The following DEPTOR variants were observed in gnomAD, a reference collection of about 807,000 sequenced individuals.
DEPTOR encodes DEP domain containing MTOR interacting protein.
In DEPTOR, 41 loss-of-function variants were observed where a neutral mutation model predicts 41.6. That is an observed-to-expected ratio of 0.98 (90% CI 0.77 to 1.28). The LOEUF is 1.28. DEPTOR is among the 50% of genes most tolerant of loss of function. The pLI is 0.00. For synonymous variants in DEPTOR, 195 were observed against 192.3 expected, an observed-to-expected ratio of 1.01 and a Z score of -0.12; for missense variants, 514 against 527.9, an observed-to-expected ratio of 0.97 and a Z score of 0.26.
At chr8:119,925,428 G>A (rs1827951192) in intron 1 of DEPTOR, among the ~76,000 whole-genome samples, 1 of 151,636 alleles carries the variant, frequency 6.6e-6, no homozygotes, top group Non-Finnish European at 1.5e-5. Context: ...CAACAACAAC[G>A]AGAACAACAA....
intron 4 of DEPTOR, among the ~76,000 whole-genome samples, chr8:119,970,769 G>A (rs1333285544): frequency 6.6e-6 from 1 of 152,130 alleles, no homozygotes; most frequent in Non-Finnish European, 1.5e-5. Flanking sequence ...AAGAGAAAAG[G>A]GCACATCGGG....
chr8:120,013,848 T>C (rs1419102380), intron 8 of DEPTOR, among the ~76,000 whole-genome samples: 1 of 151,798 alleles, frequency 6.6e-6, no homozygotes, highest in East Asian at 1.9e-4. Flanking sequence ...TACTTTTTTT[T>C]TTTTTTTTTG....
intron 8 of DEPTOR, among the ~76,000 whole-genome samples, chr8:120,026,498 A>G (rs183439060): frequency 6.6e-6 from 1 of 152,004 alleles, no homozygotes; most frequent in African/African-American, 2.4e-5. Flanking sequence ...ATCCACTAAC[A>G]TGCCTGGCTA....
intron 1 of DEPTOR, among the ~76,000 whole-genome samples, chr8:119,885,262 G>C (rs1475812630): frequency 6.6e-6 from 1 of 152,130 alleles, no homozygotes; most frequent in East Asian, 1.9e-4. Flanking sequence ...TTTATTCCCT[G>C]TAGTGGTATA....
chr8:119,995,756 A>G (rs1812250676), intron 4 of DEPTOR, among the ~76,000 whole-genome samples: 1 of 152,188 alleles, frequency 6.6e-6, no homozygotes, highest in African/African-American at 2.4e-5. Context: ...TGAAGGTGTC[A>G]TATTTCAATC....
At chr8:119,880,417 A>G (rs1216430362) in intron 1 of DEPTOR, among the ~76,000 whole-genome samples, 1 of 152,196 alleles carries the variant, frequency 6.6e-6, no homozygotes, top group Non-Finnish European at 1.5e-5. Context: ...GCCATAGATT[A>G]TTCAGCCAGA....
At chr8:119,954,709 C>A (rs539028571) in intron 3 of DEPTOR, among the ~76,000 whole-genome samples, 1 of 152,176 alleles carries the variant, frequency 6.6e-6, no homozygotes, top group South Asian at 2.1e-4. Flanking sequence ...GTAGTAGTTC[C>A]TTCTATTGTA....
intron 3 of DEPTOR, among the ~76,000 whole-genome samples, chr8:119,956,631 T>G (rs532084023): frequency 2.0e-5 from 3 of 150,716 alleles, no homozygotes; most frequent in African/African-American, 7.3e-5. Flanking sequence ...TCTGTGTCTG[T>G]GTCTTAAATG....
At chr8:119,890,554 C>T (rs757977631) in intron 1 of DEPTOR, among the ~76,000 whole-genome samples, 32 of 152,096 alleles carry the variant, frequency 2.1e-4, no homozygotes, top group Non-Finnish European at 3.8e-4. Flanking sequence ...CCACCCACCT[C>T]GGCCTCCCAA....
chr8:119,886,588 T>C lies in DEPTOR; in HGVS notation c.122+12620T>C, dbSNP rs1217857455. ...CTCCACGATTCACGCACAACCCTAT[T>C]CTACCACTTCCAGAAAAACTGCGCT... On this transcript the variant is annotated intron_variant, in intron 1 of 8. Coordinates refer to ENST00000286234, the MANE Select transcript of DEPTOR (RefSeq NM_022783.4). 2.0e-5 allele frequency among the ~76,000 whole-genome samples: 3 copies of C among 152,214 alleles called. No individual in the cohort carries two copies. The East Asian group carries it at 5.8e-4, about 29-fold the overall frequency.
At chr8:119,895,177 A>G (rs920484457) in intron 1 of DEPTOR, among the ~76,000 whole-genome samples, 4 of 152,222 alleles carry the variant, frequency 2.6e-5, no homozygotes, top group African/African-American at 9.6e-5. Context: ...TTGAAACCTG[A>G]AAGAGAAGTA....
chr8:119,911,053 G>A (rs7000890), intron 1 of DEPTOR, among the ~76,000 whole-genome samples: 33,330 of 151,956 alleles, frequency 0.22, 4,203 homozygotes, highest in African/African-American at 0.34. Context: ...CAGCAGAGCT[G>A]CCTCCACCCA....
chr8:120,039,954 G>A (rs531320521), intron 8 of DEPTOR, among the ~76,000 whole-genome samples: 68 of 151,868 alleles, frequency 4.5e-4, no homozygotes, highest in Non-Finnish European at 4.3e-4. Context: ...AGCAATTCTC[G>A]TGCCTCAGCC....
chr8:119,881,123 G>A (rs1011727357), intron 1 of DEPTOR, among the ~76,000 whole-genome samples: 1 of 152,160 alleles, frequency 6.6e-6, no homozygotes, highest in Non-Finnish European at 1.5e-5. Flanking sequence ...CTGCCTTTCA[G>A]GCTCTTACAG....
intron 4 of DEPTOR, among the ~76,000 whole-genome samples, chr8:119,990,404 G>A (rs1279806615): frequency 1.3e-5 from 2 of 151,796 alleles, no homozygotes; most frequent in Admixed American, 1.3e-4. Context: ...TGATCCGCCC[G>A]CCTCAGCCTC....
At chr8:119,914,033 C>CT (rs11314693) in intron 1 of DEPTOR, among the ~76,000 whole-genome samples, 13,892 of 141,850 alleles carry the variant, frequency 0.098, 769 homozygotes, top group South Asian at 0.22. Context: ...TCTTTCTTTT[C>CT]TTTTTTTTTT....
chr8:120,049,602 C>G lies in DEPTOR; in HGVS notation c.1128C>G (p.Asn376Lys), dbSNP rs375347409. The change falls in exon 9 of 9, where the codon AAC (asparagine) becomes AAG (lysine). Residue 376 changes from asparagine (N) to lysine (K), a missense_variant. By Grantham distance (94) the Asn-to-Lys change is moderately conservative. Coordinates refer to ENST00000286234, the MANE Select transcript of DEPTOR (RefSeq NM_022783.4). ...MKVCQFVVSV[N>K]GLNVLHVDYR... ...TCTGTCAGTTTGTCGTCTCTGTCAA[C>G]GGGCTCAATGTCCTGCATGTAGACT... 4 of 1,613,492 alleles carry G rather than the reference C, an allele frequency of 2.5e-6. No homozygotes were observed. Among genetic ancestry groups the G allele is most frequent in the African/African-American group, 2.7e-5 (2 of 74,886 alleles).
rs748325321 is a variant in DEPTOR at position 120,001,546 on chromosome 8, T to A, written c.626T>A (p.Val209Glu). ...IQHVSNKHPF[V>E]DSNLLYQFRM... ...CCAGTGTCCAACAAGCACCCATTTG[T>A]GGACAGCAATCTTCTCTACCAGTTC... Residue 209 changes from valine (V) to glutamate (E), a missense_variant, in exon 5 of 9, where the codon GTG (valine) becomes GAG (glutamate). By Grantham distance (121) the Val-to-Glu change is moderately radical. Coordinates refer to ENST00000286234, the MANE Select transcript of DEPTOR (RefSeq NM_022783.4). The A allele has an allele frequency of 2.8e-5, 45 of 1,612,340 alleles. No homozygotes were observed. The highest frequency in any genetic ancestry group is 3.4e-6 in the Non-Finnish European group (4 of 1,179,220).
chr8:119,876,869 G>T (rs115486077), intron 1 of DEPTOR, among the ~76,000 whole-genome samples: 2,833 of 152,272 alleles, frequency 0.019, 88 homozygotes, highest in African/African-American at 0.063. Context: ...TCATGGAGTT[G>T]CGAGAATTTG....
Sources: gnomAD v4.1 joint callset for allele counts (sites outside exome capture counted in the v4.1 genomes callset) on GRCh38, gnomAD v4.1.1 for gene constraint, MANE v1.5 for transcripts, NCBI Gene and HGNC (gene_info 2026-07-23, HGNC 2026-07-21) for gene names.